The following OGFOD3 variants were observed in gnomAD, a reference collection of about 807,000 sequenced individuals.
OGFOD3 encodes the protein 2-oxoglutarate and iron-dependent oxygenase domain-containing protein 3.
OGFOD3 carries 35 observed loss-of-function variants against 39.8 expected under a neutral mutation model. The ratio of observed to expected loss-of-function variants is 0.88; its 90% confidence interval spans 0.67 to 1.17. The LOEUF (loss-of-function observed/expected upper bound fraction) is 1.17, where lower values mean the gene tolerates loss of function less well. OGFOD3 is among the 50% of genes most tolerant of loss of function. OGFOD3 has a pLI of 0.00. For synonymous variants in OGFOD3, 200 were observed against 192.0 expected, an observed-to-expected ratio of 1.04 and a Z score of -0.34; for missense variants, 438 against 454.5, an observed-to-expected ratio of 0.96 and a Z score of 0.33.
At chr17:82,403,899 T>C (rs765636465) in intron 7 of OGFOD3, 38 bp downstream of exon 7, 169 of 1,554,640 alleles carry the variant, frequency 1.1e-4, no homozygotes, top group Middle Eastern at 1.9e-4. Context: ...GCTCACCTTG[T>C]CCACGGGCAC....
At chr17:82,416,604 C>T (rs1280577939) in intron 1 of OGFOD3, among the ~76,000 whole-genome samples, 3 of 152,126 alleles carry the variant, frequency 2.0e-5, no homozygotes, top group Non-Finnish European at 2.9e-5. Context: ...CATGTATTTC[C>T]AAAACTTGAA....
Position 82,406,030 on chromosome 17 carries a change from C to T in OGFOD3, c.488+388G>A, listed in dbSNP as rs542106739. On this transcript the variant is annotated intron_variant, in intron 5 of 8. Coordinates refer to ENST00000313056, the MANE Select transcript of OGFOD3 (RefSeq NM_024648.3). The surrounding 1 kb of genome is among the most constrained non-coding windows in gnomAD (Gnocchi z 5.2). Reference sequence around the variant, plus strand: ...AATGCATGAGGCTGACACGGATCCACGCAGGGAGGGTCTCTTTGCTCTCCC... The same window carrying T: ...AATGCATGAGGCTGACACGGATCCATGCAGGGAGGGTCTCTTTGCTCTCCC... Among the ~76,000 whole-genome samples, 1 of 152,136 alleles carries T rather than the reference C, an allele frequency of 6.6e-6. No homozygotes were observed. Among genetic ancestry groups the T allele is most frequent in the Non-Finnish European group, 1.5e-5 (1 of 68,030 alleles).
Position 82,403,940 on chromosome 17 carries a change from G to C in OGFOD3, c.696C>G (p.Asp232Glu). The change falls in exon 7 of 9, where the codon GAC (aspartate) becomes GAG (glutamate). Residue 232 changes from aspartate to glutamate, a missense_variant. Transcript: ENST00000313056. Reference sequence around the variant, plus strand: ...CCCTGCCCACGGGCGCGCTCACCTTGTCCACGTGCGCATGCCAGTACTCGT... The same window carrying C: ...CCCTGCCCACGGGCGCGCTCACCTTCTCCACGTGCGCATGCCAGTACTCGT... ...AHDEYWHAHVDKVTYGSFDYT... is the reference protein window; with the variant it reads ...AHDEYWHAHVEKVTYGSFDYT... The C allele has an allele frequency of 6.2e-7, 1 of 1,602,656 alleles. No individual in the cohort carries two copies. The highest frequency in any genetic ancestry group is 8.5e-7 in the Non-Finnish European group (1 of 1,176,484).
intron 5 of OGFOD3, among the ~76,000 whole-genome samples, chr17:82,405,834 C>G (rs879680324): frequency 6.6e-6 from 1 of 152,172 alleles, no homozygotes; most frequent in Non-Finnish European, 1.5e-5. Flanking sequence ...CCTGTAATCC[C>G]AGCTACTCAG....
At chr17:82,417,026 C>G (rs1371578975) in intron 1 of OGFOD3, among the ~76,000 whole-genome samples, 1 of 152,116 alleles carries the variant, frequency 6.6e-6, no homozygotes, top group Non-Finnish European at 1.5e-5. Context: ...AAAACTGGTA[C>G]TCGGTATTTC....
intron 4 of OGFOD3, among the ~76,000 whole-genome samples, chr17:82,407,459 C>T (rs1204446014): frequency 6.6e-6 from 1 of 152,234 alleles, no homozygotes; most frequent in Non-Finnish European, 1.5e-5. Flanking sequence ...ACCTTGGCCT[C>T]CTGGGCGGCT....
chr17:82,402,747 TA>T (rs532884299), intron 7 of OGFOD3, among the ~76,000 whole-genome samples: 199 of 127,758 alleles, frequency 1.6e-3, no homozygotes, highest in Admixed American at 2.2e-3. Flanking sequence ...AACTCCATCT[TA>T]AAAAAAAAAA....
chr17:82,411,605 G>A (rs1031123588), intron 2 of OGFOD3, 75 bp from the exon 3 acceptor site: 11 of 1,195,678 alleles, frequency 9.2e-6, no homozygotes, highest in Admixed American at 5.3e-5. Flanking sequence ...ATCAGGGCCA[G>A]AACTGGCTAA....
intron 8 of OGFOD3, among the ~76,000 whole-genome samples, chr17:82,394,969 T>G (rs1008663512): frequency 1.3e-5 from 2 of 152,194 alleles, no homozygotes; most frequent in Non-Finnish European, 2.9e-5. Flanking sequence ...AGTGGGAAGC[T>G]CACACCTGGT....
chr17:82,392,756 G>A lies in OGFOD3; in HGVS notation c.824-222C>T, dbSNP rs1007655706. ...CCCTGTGGCGGAGGAGGGGCCCCCC[G>A]GGGCCAGCAGGGACTCTGTGGTGGG... On this transcript the variant is annotated intron_variant, in intron 8 of 8. Coordinates refer to ENST00000313056, the MANE Select transcript of OGFOD3 (RefSeq NM_024648.3). This position sits in a 1 kb window ranked among gnomAD's most constrained non-coding sequence, Gnocchi z 4.2. 2.4e-5 allele frequency: 14 copies of A among 584,104 alleles called. No homozygotes were observed. Among genetic ancestry groups the A allele is most frequent in the Admixed American group, 1.3e-4 (4 of 31,798 alleles). The allele number at this position is 584,104 out of a possible 1,614,324, so 36.2% of individuals were successfully genotyped here.
chr17:82,392,240 T>C lies in OGFOD3; in HGVS notation c.*158A>G. The C allele has an allele frequency of 2.4e-6, 2 of 820,394 alleles. No homozygotes were observed. The highest frequency in any genetic ancestry group is 3.7e-6 in the Non-Finnish European group (2 of 534,546). The allele number at this position is 820,394 out of a possible 1,614,324, so 50.8% of individuals were successfully genotyped here. ...AAGTGAAAAGCTGGTTCCCTTCATT[T>C]ACTCACAGATGAAAAGATTAACACG... On this transcript the variant is annotated 3_prime_UTR_variant, in exon 9 of 9. Transcript: ENST00000313056. The surrounding 1 kb of genome is among the most constrained non-coding windows in gnomAD (Gnocchi z 4.2).
intron 7 of OGFOD3, among the ~76,000 whole-genome samples, chr17:82,399,112 G>A (rs573453223): frequency 1.3e-5 from 2 of 152,136 alleles, no homozygotes; most frequent in African/African-American, 2.4e-5. Flanking sequence ...CTGGGATTAC[G>A]CGCGTGAGTC....
chr17:82,418,486 C>T lies in OGFOD3; in HGVS notation c.-1G>A, dbSNP rs2053128991. 1 of 1,411,794 alleles carries T rather than the reference C, an allele frequency of 7.1e-7. No individual in the cohort carries two copies. Among genetic ancestry groups the T allele is most frequent in the Non-Finnish European group, 9.2e-7 (1 of 1,085,952 alleles). The allele number at this position is 1,411,794 out of a possible 1,614,324, so 87.5% of individuals were successfully genotyped here. ...TTGCGGCCCTCCGCTGAGGAGCCAT[C>T]GGACCAGGCCGCCGCGGAGCCGGGC... On this transcript the variant is annotated 5_prime_UTR_variant, in exon 1 of 9. Coordinates refer to ENST00000313056, the MANE Select transcript of OGFOD3 (RefSeq NM_024648.3).
At position 82,398,284 on chromosome 17, in the gene OGFOD3, C is replaced by T. The variant is rs2052709211; in HGVS notation, c.735G>A (p.Leu245=). ...AGTCCTCCAGGTAGTTGGAGAGGTA[C>T]AGCAGCGAGGTGTAGTCGAAGGAGC... is the stretch of plus-strand genomic sequence containing the variant. ...TYGSFDYTSL[L]YLSNYLEDFG... is the part of the protein sequence containing the mutation. The change falls in exon 8 of 9, where the codon CTG becomes CTA. Residue 245 remains leucine (L), a synonymous_variant. Transcript: ENST00000313056. 6.2e-7 allele frequency: 1 copy of T among 1,614,176 alleles called. No individual in the cohort carries two copies. Among genetic ancestry groups the T allele is most frequent in the Non-Finnish European group, 8.5e-7 (1 of 1,180,012 alleles).
intron 3 of OGFOD3, 117 bp downstream of exon 3, chr17:82,411,338 C>T (rs1449161908): frequency 1.9e-5 from 17 of 895,896 alleles, no homozygotes; most frequent in African/African-American, 6.6e-5. Flanking sequence ...TGAGCCACCA[C>T]GCCTGGCAAT....
rs1352100450 is a variant in OGFOD3 at position 82,392,251 on chromosome 17, G to GAAAAGATT, written c.*139_*146dup. On this transcript the variant is annotated 3_prime_UTR_variant, in exon 9 of 9. Transcript: ENST00000313056. This position sits in a 1 kb window ranked among gnomAD's most constrained non-coding sequence, Gnocchi z 4.2. ...TGGTTCCCTTCATTTACTCACAGATGAAAAGATTAACACGTCAGCAAATCA... is the reference window on the plus strand; with the variant it reads ...TGGTTCCCTTCATTTACTCACAGATGAAAAGATTAAAAGATTAACACGTCAGCAAATCA... 1 of 888,848 alleles carries GAAAAGATT rather than the reference G, an allele frequency of 1.1e-6. No individual in the cohort carries two copies. The highest frequency in any genetic ancestry group is 1.7e-6 in the Non-Finnish European group (1 of 593,804). The allele number at this position is 888,848 out of a possible 1,614,324, so 55.1% of individuals were successfully genotyped here. A position where few individuals can be genotyped will look rare whatever the true frequency, so the allele number is the denominator to read the frequency against.
intron 8 of OGFOD3, among the ~76,000 whole-genome samples, chr17:82,396,229 CAT>C (rs1483995573): frequency 3.4e-5 from 5 of 148,122 alleles, no homozygotes; most frequent in Non-Finnish European, 7.5e-5. Flanking sequence ...CAGGTAAACA[CAT>C]AGATACACAC....
chr17:82,409,430 C>G lies in OGFOD3; in HGVS notation c.381-20G>C. The stretch of plus-strand genomic sequence containing the variant: ...GCTACGCTGCAGGGAGAAAATAATT[C>G]AGAATTTCGTTGCTAGAATTGTCTA... On this transcript the variant is annotated intron_variant, in intron 3 of 8. Coordinates refer to ENST00000313056, the MANE Select transcript of OGFOD3 (RefSeq NM_024648.3). 1 of 1,613,274 alleles carries G rather than the reference C, an allele frequency of 6.2e-7. No homozygotes were observed. Among genetic ancestry groups the G allele is most frequent in the Non-Finnish European group, 8.5e-7 (1 of 1,179,294 alleles).
chr17:82,405,159 C>T (rs554916981), intron 6 of OGFOD3, among the ~76,000 whole-genome samples, 165 bp downstream of exon 6: 8 of 152,324 alleles, frequency 5.3e-5, no homozygotes, highest in Middle Eastern at 3.4e-3. Context: ...ATCCTGGCCA[C>T]GCTGGGCCTG....
Sources: allele counts gnomAD v4.1 joint callset (sites outside exome capture counted in the v4.1 genomes callset), GRCh38; gene constraint gnomAD v4.1.1; non-coding constraint Gnocchi (gnomAD v3.1); transcripts MANE v1.5; gene names NCBI Gene and HGNC (gene_info 2026-07-23, HGNC 2026-07-21).